KCNH8: variants seen among roughly 807,000 people sequenced by gnomAD.
KCNH8 encodes potassium voltage-gated channel subfamily H member 8.
KCNH8 carries 70 observed loss-of-function variants against 103.6 expected under a neutral mutation model. The observed-to-expected ratio is 0.68, with a 90% CI of 0.56 to 0.82. The LOEUF is 0.82. Ranked by LOEUF, KCNH8 falls within the 40% of genes least tolerant of loss-of-function variation. The pLI, the probability that KCNH8 is intolerant of heterozygous loss-of-function variation, is 0.00. For synonymous variants in KCNH8, 498 were observed against 489.4 expected, an observed-to-expected ratio of 1.02 and a Z score of -0.23; for missense variants, 1,217 against 1,329.9, an observed-to-expected ratio of 0.92 and a Z score of 1.32.
chr3:19,303,554 C>T (rs189545540), intron 3 of KCNH8, among the ~76,000 whole-genome samples: 27 of 152,198 alleles, frequency 1.8e-4, no homozygotes, highest in Admixed American at 5.9e-4. Flanking sequence ...AGCATGTTTA[C>T]GGAGTGTCTA....
intron 3 of KCNH8, among the ~76,000 whole-genome samples, chr3:19,296,348 T>A (rs1407449106): frequency 6.6e-6 from 1 of 152,250 alleles, no homozygotes; most frequent in Non-Finnish European, 1.5e-5. Flanking sequence ...CAGACACTCA[T>A]ATTAAGAATG....
intron 7 of KCNH8, among the ~76,000 whole-genome samples, chr3:19,404,252 C>A (rs1403376449): frequency 6.6e-6 from 1 of 151,922 alleles, no homozygotes; most frequent in Non-Finnish European, 1.5e-5. Flanking sequence ...GCTTACAGCT[C>A]TTGTTGGATA....
chr3:19,432,431 A>G (rs1049100963), intron 7 of KCNH8, among the ~76,000 whole-genome samples: 1 of 152,202 alleles, frequency 6.6e-6, no homozygotes, highest in African/African-American at 2.4e-5. Flanking sequence ...TTGAGAAAAA[A>G]GAGAGGACAA....
At chr3:19,478,246 T>C (rs77029107) in intron 11 of KCNH8, among the ~76,000 whole-genome samples, 3 of 152,070 alleles carry the variant, frequency 2.0e-5, no homozygotes, top group East Asian at 1.9e-4. Flanking sequence ...AATAAACTTA[T>C]GAATGCAGGT....
At chr3:19,474,061 T>TG (rs2067918644) in intron 11 of KCNH8, among the ~76,000 whole-genome samples, 1 of 152,188 alleles carries the variant, frequency 6.6e-6, no homozygotes, top group Admixed American at 6.5e-5. Flanking sequence ...CTTAGGCATG[T>TG]GGGGCATTTC....
At chr3:19,508,494 ATAGAGAC>A (rs1404554363) in intron 11 of KCNH8, among the ~76,000 whole-genome samples, 5 of 152,188 alleles carry the variant, frequency 3.3e-5, no homozygotes, top group African/African-American at 1.2e-4. Flanking sequence ...CTTCTGCAGA[ATAGAGAC>A]TAAAAATACC....
intron 5 of KCNH8, among the ~76,000 whole-genome samples, chr3:19,387,984 C>T (rs2066381587): frequency 6.6e-6 from 1 of 151,558 alleles, no homozygotes; most frequent in Admixed American, 6.6e-5. Flanking sequence ...TTTAGTGAAC[C>T]ACGTAACTAA....
intron 15 of KCNH8, among the ~76,000 whole-genome samples, chr3:19,532,612 A>C (rs1402905163): frequency 6.6e-6 from 1 of 152,196 alleles, no homozygotes; most frequent in Non-Finnish European, 1.5e-5. Context: ...AGTGCTTTAC[A>C]TGCAGTATCT....
chr3:19,448,068 A>C (rs2067388975), intron 8 of KCNH8, among the ~76,000 whole-genome samples: 2 of 152,016 alleles, frequency 1.3e-5, no homozygotes, highest in Non-Finnish European at 2.9e-5. Flanking sequence ...TGCATTGAGC[A>C]TGCTGAAAAT....
chr3:19,402,987 T>C (rs762731687), intron 7 of KCNH8, among the ~76,000 whole-genome samples: 3 of 151,902 alleles, frequency 2.0e-5, no homozygotes, highest in Non-Finnish European at 2.9e-5. Context: ...TTCTATTCAA[T>C]AGTCTATTCT....
chr3:19,464,417 G>A (rs1384855721), intron 11 of KCNH8, among the ~76,000 whole-genome samples: 4 of 151,880 alleles, frequency 2.6e-5, no homozygotes, highest in Admixed American at 2.0e-4. Context: ...CTAAACGAAA[G>A]AAAAAACAAT....
chr3:19,223,134 A>C (rs1452879851), intron 1 of KCNH8, among the ~76,000 whole-genome samples: 1 of 152,210 alleles, frequency 6.6e-6, no homozygotes, highest in Non-Finnish European at 1.5e-5. Flanking sequence ...TTAGGATTCC[A>C]CTGAATTATT....
At chr3:19,396,641 T>C (rs1229663917) in intron 7 of KCNH8, among the ~76,000 whole-genome samples, 1 of 151,900 alleles carries the variant, frequency 6.6e-6, no homozygotes, top group Non-Finnish European at 1.5e-5. Context: ...TAGATAAAAA[T>C]AAGATCCAAT....
intron 11 of KCNH8, among the ~76,000 whole-genome samples, chr3:19,477,214 T>G (rs973162883): frequency 6.6e-6 from 1 of 152,156 alleles, no homozygotes; most frequent in African/African-American, 2.4e-5. Flanking sequence ...GACCCATGCA[T>G]GTGAATGTTG....
intron 1 of KCNH8, among the ~76,000 whole-genome samples, chr3:19,212,284 C>T (rs75827354): frequency 0.055 from 8,364 of 152,160 alleles, 745 homozygotes; most frequent in African/African-American, 0.19. Flanking sequence ...TCACAGCTAA[C>T]AGCTAATAGA....
chr3:19,500,816 C>A (rs535474396), intron 11 of KCNH8, among the ~76,000 whole-genome samples: 2 of 151,970 alleles, frequency 1.3e-5, no homozygotes, highest in African/African-American at 2.4e-5. Flanking sequence ...TAAATGCCCA[C>A]AAGAGAAAGC....
rs368070596 is a variant in KCNH8, at chr3:19,325,157, T to C, written c.443-17430T>C. ...TAACTGGCTAGCCATATGCAGAAGA[T>C]TGAAACTGGACGTCTTCCTTACACC... On this transcript the variant is annotated intron_variant, in intron 3 of 15. Coordinates refer to ENST00000328405, the MANE Select transcript of KCNH8 (RefSeq NM_144633.3). Among the ~76,000 whole-genome samples the C allele has an allele frequency of 8.5e-5, 13 of 152,226 alleles. 1 individual carries two copies. The highest frequency in any genetic ancestry group is 4.6e-4 in the Admixed American group (7 of 15,286).
At chr3:19,328,602 T>C (rs1245195005) in intron 3 of KCNH8, among the ~76,000 whole-genome samples, 1 of 152,164 alleles carries the variant, frequency 6.6e-6, no homozygotes, top group Non-Finnish European at 1.5e-5. Flanking sequence ...CGTTAGTCAA[T>C]GTCTTCATAA....
intron 5 of KCNH8, among the ~76,000 whole-genome samples, chr3:19,348,193 A>G (rs2065753429): frequency 6.6e-6 from 1 of 152,068 alleles, no homozygotes; most frequent in Non-Finnish European, 1.5e-5. Flanking sequence ...CTGTGTTTCT[A>G]TACTTATTTC....
Sources: gnomAD v4.1 joint callset for allele counts (sites outside exome capture counted in the v4.1 genomes callset) on GRCh38, gnomAD v4.1.1 for gene constraint, MANE v1.5 for transcripts, NCBI Gene and HGNC (gene_info 2026-07-23, HGNC 2026-07-21) for gene names.